CHRM2: variants seen among roughly 807,000 people sequenced by gnomAD.
CHRM2 encodes the protein cholinergic receptor muscarinic 2.
CHRM2 carries 8 observed loss-of-function variants against 25.0 expected under a neutral mutation model. That is an observed-to-expected ratio of 0.32 (90% CI 0.19 to 0.58). The LOEUF (loss-of-function observed/expected upper bound fraction) is 0.58, where lower values mean the gene tolerates loss of function less well. Among genes scored for constraint, CHRM2 ranks in the 20% least tolerant of loss-of-function variants. CHRM2 has a pLI of 0.88. For missense variants in CHRM2, 440 were observed against 567.1 expected (o/e 0.78, Z 2.28); for synonymous variants, 202 against 205.7 (o/e 0.98, Z 0.15).
chr7:137,002,218 T>A (rs967142904), intron 3 of CHRM2, among the ~76,000 whole-genome samples: 1 of 152,194 alleles, frequency 6.6e-6, no homozygotes, highest in African/African-American at 2.4e-5. Flanking sequence ...TGAAATTTTT[T>A]AAAAAGTTGT....
chr7:136,974,075 G>A (rs1584857553), intron 2 of CHRM2, among the ~76,000 whole-genome samples: 1 of 152,154 alleles, frequency 6.6e-6, no homozygotes, highest in Non-Finnish European at 1.5e-5. Flanking sequence ...TTGTATGTGA[G>A]AAGCAATCAT....
chr7:136,957,007 C>A (rs1446413825), intron 2 of CHRM2, among the ~76,000 whole-genome samples: 2 of 152,196 alleles, frequency 1.3e-5, no homozygotes, highest in Admixed American at 1.3e-4. Flanking sequence ...ACTCCCCCTA[C>A]TCCAAGGCCC....
chr7:136,956,451 G>T (rs1044044766), intron 2 of CHRM2, among the ~76,000 whole-genome samples: 2 of 152,090 alleles, frequency 1.3e-5, no homozygotes, highest in Non-Finnish European at 2.9e-5. Context: ...AAGATTAGTG[G>T]GTATAGATAG....
At chr7:137,008,485 T>C (rs1804594707) in intron 3 of CHRM2, among the ~76,000 whole-genome samples, 2 of 152,072 alleles carry the variant, frequency 1.3e-5, no homozygotes, top group African/African-American at 4.8e-5. Context: ...CACTATTCTA[T>C]CAGTTTTGGT....
chr7:136,890,577 A>G (rs1276737311), intron 2 of CHRM2, among the ~76,000 whole-genome samples: 2 of 152,190 alleles, frequency 1.3e-5, no homozygotes, highest in African/African-American at 4.8e-5. Flanking sequence ...GAGAAAACCC[A>G]AAAGACTGCC....
intron 3 of CHRM2, among the ~76,000 whole-genome samples, chr7:137,005,503 A>G (rs1245387075): frequency 6.6e-6 from 1 of 151,964 alleles, no homozygotes; most frequent in Non-Finnish European, 1.5e-5. Context: ...TCTTATCCCA[A>G]CCATCCTGGT....
intron 2 of CHRM2, among the ~76,000 whole-genome samples, chr7:136,965,573 C>T (rs372942811): frequency 6.6e-6 from 1 of 151,864 alleles, no homozygotes; most frequent in African/African-American, 2.4e-5. Context: ...GAAAATAACT[C>T]AAAATAAATG....
chr7:136,969,603 T>C (rs1047071146), intron 2 of CHRM2, among the ~76,000 whole-genome samples: 1 of 152,196 alleles, frequency 6.6e-6, no homozygotes, highest in Non-Finnish European at 1.5e-5. Context: ...TGATCAATGC[T>C]TGGTTCCAAC....
intron 2 of CHRM2, among the ~76,000 whole-genome samples, chr7:136,920,410 C>G (rs1338450814): frequency 6.6e-6 from 1 of 152,178 alleles, no homozygotes; most frequent in Non-Finnish European, 1.5e-5. Context: ...TTTACATAGT[C>G]TGAGAACATA....
chr7:136,903,565 T>G (rs1316588912), intron 2 of CHRM2, among the ~76,000 whole-genome samples: 1 of 152,038 alleles, frequency 6.6e-6, no homozygotes, highest in Non-Finnish European at 1.5e-5. Context: ...ATTTTAATTA[T>G]GTACAGAATG....
intron 2 of CHRM2, chr7:136,871,297 C>T (rs1387406489): frequency 1.3e-5 from 2 of 152,356 alleles, no homozygotes; most frequent in East Asian, 3.9e-4. Flanking sequence ...CTGAGGGCTC[C>T]TGCGGCTGCA....
At chr7:136,966,560 T>G (rs1801428051) in intron 2 of CHRM2, among the ~76,000 whole-genome samples, 1 of 151,974 alleles carries the variant, frequency 6.6e-6, no homozygotes, top group African/African-American at 2.4e-5. Context: ...TGCCCTTGTC[T>G]CCTAGCCTCT....
intron 2 of CHRM2, among the ~76,000 whole-genome samples, chr7:136,930,814 G>A (rs1160012544): frequency 9.4e-5 from 14 of 149,080 alleles, no homozygotes; most frequent in African/African-American, 3.0e-4. Context: ...GGAGAATGGC[G>A]TGAACCTGGG....
chr7:136,921,804 A>G (rs1798463255), intron 2 of CHRM2, among the ~76,000 whole-genome samples: 1 of 83,370 alleles, frequency 1.2e-5, no homozygotes, highest in South Asian at 2.9e-4. Context: ...CTTTTTTTTG[A>G]GACAGATTCT....
chr7:136,909,879 A>G (rs1797747795), intron 2 of CHRM2, among the ~76,000 whole-genome samples: 1 of 151,902 alleles, frequency 6.6e-6, no homozygotes. Context: ...AGATACTAAA[A>G]TCATCTCGTA....
In CHRM2 at chr7:137,017,559, A is replaced by G. The variant is rs2131140714; in HGVS notation, c.*1293A>G. Reference sequence around the variant, plus strand: ...TTATCCTATGACCCCATGAAAGGGGAAAAAACGATATTTTAAAAACTATTA... The same window carrying G: ...TTATCCTATGACCCCATGAAAGGGGGAAAAACGATATTTTAAAAACTATTA... On this transcript the variant is annotated 3_prime_UTR_variant, in exon 4 of 4. Coordinates refer to ENST00000680005, the MANE Select transcript of CHRM2 (RefSeq NM_001006630.2). The G allele has an allele frequency of 6.6e-6, 1 of 152,092 alleles. No individual in the cohort carries two copies. Among genetic ancestry groups the G allele is most frequent in the Admixed American group, 6.6e-5 (1 of 15,254 alleles). The allele number at this position is 152,092 out of a possible 1,614,324, so 9.4% of individuals were successfully genotyped here.
intron 2 of CHRM2, among the ~76,000 whole-genome samples, chr7:136,932,000 C>T (rs1799134049): frequency 6.6e-6 from 1 of 152,080 alleles, no homozygotes; most frequent in Admixed American, 6.5e-5. Flanking sequence ...ACAAGGGGGC[C>T]AAACTTCTGA....
At chr7:136,961,905 G>C (rs1246168830) in intron 2 of CHRM2, among the ~76,000 whole-genome samples, 1 of 152,100 alleles carries the variant, frequency 6.6e-6, no homozygotes, top group Non-Finnish European at 1.5e-5. Flanking sequence ...GGATCCTAGG[G>C]AAGACAGGAT....
At chr7:136,942,769 TC>T (rs966099150) in intron 2 of CHRM2, among the ~76,000 whole-genome samples, 1 of 152,168 alleles carries the variant, frequency 6.6e-6, no homozygotes, top group Non-Finnish European at 1.5e-5. Context: ...CTTTGATTTT[TC>T]CCTTGCTTTG....
Sources: gnomAD v4.1 joint callset for allele counts (sites outside exome capture counted in the v4.1 genomes callset) on GRCh38, gnomAD v4.1.1 for gene constraint, MANE v1.5 for transcripts, NCBI Gene and HGNC (gene_info 2026-07-23, HGNC 2026-07-21) for gene names.